Variants in SPAG17 observed in about 807,000 individuals in gnomAD.
SPAG17 encodes the protein sperm-associated antigen 17.
In SPAG17, 169 loss-of-function variants were observed where a neutral mutation model predicts 273.6. The observed-to-expected ratio is 0.62, with a 90% confidence interval of 0.55 to 0.70. The LOEUF is 0.70. SPAG17 is among the 30% of genes least tolerant of loss of function. The pLI is 0.00. For synonymous variants in SPAG17, 825 were observed against 873.2 expected (o/e 0.94, Z 0.97); for missense variants, 2,557 against 2,627.8 (o/e 0.97, Z 0.59).
Position 118,115,297 on chromosome 1 carries a change from G to A in SPAG17, c.447+13C>T, listed in dbSNP as rs1225214987. The stretch of plus-strand genomic sequence containing the variant: ...CTTGCCCTCTTTAGAAAACCCACCA[G>A]ATCGTACAGTACCTTCTTTTCATTT... On this transcript the variant is annotated intron_variant, in intron 4 of 48. Coordinates refer to ENST00000336338, the MANE Select transcript of SPAG17 (RefSeq NM_206996.4). The A allele has an allele frequency of 6.2e-7, 1 of 1,611,766 alleles. No homozygotes were observed. The highest frequency in any genetic ancestry group is 1.7e-5 in the Admixed American group (1 of 59,820).
intron 1 of SPAG17, among the ~76,000 whole-genome samples, chr1:118,162,337 G>A (rs1010295661): frequency 4.6e-5 from 7 of 152,204 alleles, no homozygotes; most frequent in Admixed American, 1.3e-4. Context: ...CAACCACATG[G>A]CCTTGGAAAA....
At chr1:117,975,896 A>G (rs1282420593) in intron 43 of SPAG17, among the ~76,000 whole-genome samples, 1 of 152,162 alleles carries the variant, frequency 6.6e-6, no homozygotes, top group East Asian at 1.9e-4. Context: ...TGCTCATACT[A>G]TTATTATTAA....
intron 1 of SPAG17, among the ~76,000 whole-genome samples, chr1:118,161,589 G>A (rs1192187784): frequency 6.6e-6 from 1 of 152,058 alleles, no homozygotes; most frequent in African/African-American, 2.4e-5. Context: ...CCAGGCTGGA[G>A]TGCTGTGGCA....
intron 25 of SPAG17, among the ~76,000 whole-genome samples, chr1:118,029,834 AGTT>A (rs1648218453): frequency 6.6e-6 from 1 of 152,194 alleles, no homozygotes; most frequent in Non-Finnish European, 1.5e-5. Flanking sequence ...TGAACATTTA[AGTT>A]GTTCTGCCTT....
At chr1:118,065,845 T>C (rs1652907886) in intron 18 of SPAG17, among the ~76,000 whole-genome samples, 1 of 152,124 alleles carries the variant, frequency 6.6e-6, no homozygotes, top group Admixed American at 6.5e-5. Context: ...AAAATTTAAT[T>C]GTTGAATATT....
In SPAG17 at chr1:118,066,840, G is replaced by C. The variant is rs764992977; in HGVS notation, c.2445C>G (p.Asp815Glu). The C allele has an allele frequency of 1.2e-6, 2 of 1,613,854 alleles. No individual in the cohort carries two copies. The highest frequency in any genetic ancestry group is 3.3e-5 in the Admixed American group (2 of 60,012). ...RCVDSYYHTQ[D>E]NSLLLVFHNP... Reference sequence around the variant, plus strand: ...TGTGAAAGACTAAAAGTAAAGAGTTGTCTTGGGTGTGGTAGTAAGAATCAA... The same window carrying C: ...TGTGAAAGACTAAAAGTAAAGAGTTCTCTTGGGTGTGGTAGTAAGAATCAA... Residue 815 changes from aspartate to glutamate, a missense_variant, in exon 18 of 49, where the codon GAC becomes GAG. Coordinates refer to ENST00000336338, the MANE Select transcript of SPAG17 (RefSeq NM_206996.4).
At chr1:118,101,024 C>T (rs1486334011) in intron 5 of SPAG17, among the ~76,000 whole-genome samples, 3 of 152,176 alleles carry the variant, frequency 2.0e-5, no homozygotes, top group Non-Finnish European at 4.4e-5. Context: ...ATGTGCCCAA[C>T]AAGATAGTAA....
intron 1 of SPAG17, among the ~76,000 whole-genome samples, chr1:118,182,221 C>T (rs1660982581): frequency 6.6e-6 from 1 of 152,136 alleles, no homozygotes; most frequent in African/African-American, 2.4e-5. Flanking sequence ...ATTCCACTTA[C>T]ATGAAGTACC....
intron 1 of SPAG17, among the ~76,000 whole-genome samples, chr1:118,182,736 A>G (rs1661006135): frequency 6.6e-6 from 1 of 152,224 alleles, no homozygotes; most frequent in African/African-American, 2.4e-5. Flanking sequence ...CCTACTTAAA[A>G]TAATCATGCT....
intron 4 of SPAG17, among the ~76,000 whole-genome samples, chr1:118,111,389 C>T (rs1041709167): frequency 6.6e-6 from 1 of 152,114 alleles, no homozygotes; most frequent in Admixed American, 6.6e-5. Flanking sequence ...GTTAGTGAGG[C>T]AAGTTATTCC....
intron 44 of SPAG17, 89 bp downstream of exon 44, chr1:117,973,336 A>C: frequency 6.7e-7 from 1 of 1,500,694 alleles, no homozygotes; most frequent in Non-Finnish European, 9.0e-7. Flanking sequence ...TAAAATCTAC[A>C]AAAGGAGCAG....
intron 20 of SPAG17, among the ~76,000 whole-genome samples, chr1:118,052,961 A>T (rs934320259): frequency 6.6e-6 from 1 of 151,992 alleles, no homozygotes; most frequent in African/African-American, 2.4e-5. Context: ...TGCAGTTAGG[A>T]TGGAGTAAAG....
intron 1 of SPAG17, among the ~76,000 whole-genome samples, chr1:118,171,653 C>A (rs1480802157): frequency 6.6e-6 from 1 of 152,178 alleles, no homozygotes; most frequent in African/African-American, 2.4e-5. Flanking sequence ...TTTTAAGCGA[C>A]ACTTTAATAT....
intron 1 of SPAG17, among the ~76,000 whole-genome samples, chr1:118,175,664 A>G (rs1348698740): frequency 3.3e-5 from 5 of 152,124 alleles, no homozygotes; most frequent in African/African-American, 1.2e-4. Flanking sequence ...TCTTTCCCCA[A>G]TAAACAAAAG....
chr1:118,145,550 A>T (rs1055367296), intron 3 of SPAG17, among the ~76,000 whole-genome samples: 17 of 152,174 alleles, frequency 1.1e-4, no homozygotes, highest in Non-Finnish European at 1.9e-4. Context: ...ATTAAACTGC[A>T]TTTGGTCCAT....
intron 48 of SPAG17, chr1:117,955,483 T>C (rs1479638556): frequency 1.2e-5 from 10 of 840,168 alleles, no homozygotes; most frequent in Non-Finnish European, 1.8e-5. Context: ...TATATCAAAG[T>C]TTTGATGGAA....
At chr1:118,039,185 A>G in intron 23 of SPAG17, 107 bp downstream of exon 23, 2 of 1,222,292 alleles carry the variant, frequency 1.6e-6, no homozygotes, top group East Asian at 2.3e-5. Flanking sequence ...GTGTACTGGT[A>G]GAAACTTGAG....
intron 47 of SPAG17, chr1:117,964,535 A>C (rs1653563331): frequency 6.6e-6 from 1 of 151,898 alleles, no homozygotes; most frequent in Non-Finnish European, 1.5e-5. Flanking sequence ...CAATGGAAAA[A>C]CCCTGTCATT....
intron 1 of SPAG17, among the ~76,000 whole-genome samples, chr1:118,174,562 T>G (rs1660590810): frequency 6.6e-6 from 1 of 152,202 alleles, no homozygotes; most frequent in Non-Finnish European, 1.5e-5. Context: ...GAGAGATTAC[T>G]TTTATTGGTA....
Sources: gnomAD v4.1 joint callset for allele counts (sites outside exome capture counted in the v4.1 genomes callset) on GRCh38, gnomAD v4.1.1 for gene constraint, MANE v1.5 for transcripts, NCBI Gene and HGNC (gene_info 2026-07-23, HGNC 2026-07-21) for gene names.